DGKI: variants seen among roughly 807,000 people sequenced by gnomAD.
The protein encoded by DGKI is DAG kinase iota.
In DGKI, 55 loss-of-function variants were observed where a neutral mutation model predicts 147.5. The ratio of observed to expected loss-of-function variants is 0.37; its 90% CI spans 0.30 to 0.47. DGKI has a LOEUF of 0.47. Among genes scored for constraint, DGKI ranks in the 20% least tolerant of loss-of-function variants. The pLI, the probability that DGKI is intolerant of heterozygous loss-of-function variation, is 1.00. For synonymous variants in DGKI, 469 were observed against 477.1 expected (o/e 0.98, Z 0.22); for missense variants, 1,007 against 1,323.8 (o/e 0.76, Z 3.71).
intron 29 of DGKI, among the ~76,000 whole-genome samples, chr7:137,408,728 C>T (rs187487477): frequency 1.3e-5 from 2 of 151,432 alleles, no homozygotes; most frequent in East Asian, 3.9e-4. Flanking sequence ...AAAAACAAAA[C>T]AGAATTTTGT....
chr7:137,558,100 T>C (rs1818287036), intron 19 of DGKI, among the ~76,000 whole-genome samples: 1 of 152,210 alleles, frequency 6.6e-6, no homozygotes, highest in Non-Finnish European at 1.5e-5. Context: ...TATACTCAGC[T>C]AGTCACCAAA....
rs115504172 is a variant in DGKI, at chr7:137,733,456, T to C, written c.402-43454A>G. 7.8e-3 allele frequency among the ~76,000 whole-genome samples: 1,191 copies of C among 152,238 alleles called. 11 individuals are homozygous for C. Among genetic ancestry groups the C allele is most frequent in the African/African-American group, 0.027 (1,133 of 41,562 alleles). On this transcript the variant is annotated intron_variant, in intron 1 of 32. Coordinates refer to ENST00000614521, the MANE Select transcript of DGKI (RefSeq NM_001321708.2). ...TTTAAGGCCAAATAGTATTCCATTG[T>C]ATGTATGTACCACATCTGGTTTATC...
intron 1 of DGKI, among the ~76,000 whole-genome samples, chr7:137,725,903 G>A (rs556249433): frequency 1.9e-4 from 29 of 152,176 alleles, no homozygotes; most frequent in South Asian, 6.2e-4. Flanking sequence ...TTTTCTTTTT[G>A]GATATTTTCA....
At chr7:137,513,621 T>C (rs978232057) in intron 21 of DGKI, among the ~76,000 whole-genome samples, 2 of 152,106 alleles carry the variant, frequency 1.3e-5, no homozygotes, top group Admixed American at 6.6e-5. Context: ...CATCATAGAG[T>C]GTACTTAACA....
intron 1 of DGKI, among the ~76,000 whole-genome samples, chr7:137,798,449 T>A (rs1797100060): frequency 6.6e-6 from 1 of 152,188 alleles, no homozygotes; most frequent in Non-Finnish European, 1.5e-5. Flanking sequence ...TGAGTTAGGA[T>A]CTCAGTCCAT....
intron 1 of DGKI, among the ~76,000 whole-genome samples, chr7:137,835,001 AATT>A (rs1176993176): frequency 6.6e-6 from 1 of 152,196 alleles, no homozygotes; most frequent in Non-Finnish European, 1.5e-5. Context: ...GAGCTCCATG[AATT>A]ATGCTTGTCT....
At chr7:137,810,524 C>T (rs1051905969) in intron 1 of DGKI, among the ~76,000 whole-genome samples, 1 of 152,188 alleles carries the variant, frequency 6.6e-6, no homozygotes, top group Non-Finnish European at 1.5e-5. Flanking sequence ...ACCTTGACTG[C>T]TCACCAAAAA....
intron 28 of DGKI, among the ~76,000 whole-genome samples, chr7:137,436,014 A>G (rs373145877): frequency 9.2e-5 from 14 of 152,292 alleles, no homozygotes; most frequent in Admixed American, 3.9e-4. Context: ...TCCTCACCTC[A>G]GGTGATCGCC....
chr7:137,452,052 C>T (rs1316917276), intron 27 of DGKI, among the ~76,000 whole-genome samples: 4 of 152,148 alleles, frequency 2.6e-5, no homozygotes, highest in African/African-American at 9.7e-5. Context: ...ATATGGGACT[C>T]TTACTTTCTG....
intron 23 of DGKI, among the ~76,000 whole-genome samples, chr7:137,475,276 A>C (rs976199668): frequency 1.3e-5 from 2 of 152,194 alleles, no homozygotes; most frequent in African/African-American, 4.8e-5. Flanking sequence ...CTTTAAACAA[A>C]GGCTGAAATC....
chr7:137,424,382 T>C (rs990036086), intron 28 of DGKI, among the ~76,000 whole-genome samples: 1 of 152,186 alleles, frequency 6.6e-6, no homozygotes, highest in African/African-American at 2.4e-5. Context: ...AATTCATATA[T>C]TCTTAAGAAA....
chr7:137,819,858 T>C (rs1797846538), intron 1 of DGKI, among the ~76,000 whole-genome samples: 4 of 152,290 alleles, frequency 2.6e-5, no homozygotes, highest in Admixed American at 6.5e-5. Flanking sequence ...ACCATGTTTT[T>C]TCAAACCTCC....
At chr7:137,642,659 A>C (rs1345354286) in intron 6 of DGKI, among the ~76,000 whole-genome samples, 1 of 152,196 alleles carries the variant, frequency 6.6e-6, no homozygotes, top group Non-Finnish European at 1.5e-5. Context: ...AAAGGAACTG[A>C]GCAATTAAAT....
chr7:137,467,061 G>T lies in DGKI; in HGVS notation c.2444-119C>A, dbSNP rs1426984729. 3 of 893,840 alleles carry T rather than the reference G, an allele frequency of 3.4e-6. No individual in the cohort carries two copies. The East Asian group carries it at 7.8e-5, about 23-fold the overall frequency. 55.4% of individuals were successfully genotyped at this position (893,840 alleles called of 1,614,324 possible). On this transcript the variant is annotated intron_variant, in intron 24 of 32. Coordinates refer to ENST00000614521, the MANE Select transcript of DGKI (RefSeq NM_001321708.2). ...TACATGGCAGTCATGCTAGTCTCCTGGCCAGTCCCTAAATCTATTAAGAAA... is the reference window on the plus strand; with the variant it reads ...TACATGGCAGTCATGCTAGTCTCCTTGCCAGTCCCTAAATCTATTAAGAAA...
chr7:137,727,351 C>T (rs1794746135), intron 1 of DGKI, among the ~76,000 whole-genome samples: 1 of 152,072 alleles, frequency 6.6e-6, no homozygotes, highest in Non-Finnish European at 1.5e-5. Flanking sequence ...AGAAAGTTAT[C>T]ATCAAAAAGA....
At chr7:137,740,361 A>G (rs1361080075) in intron 1 of DGKI, among the ~76,000 whole-genome samples, 4 of 152,154 alleles carry the variant, frequency 2.6e-5, no homozygotes, top group Admixed American at 1.3e-4. Context: ...GGTGTGAGGA[A>G]TCTCTACAGG....
intron 1 of DGKI, among the ~76,000 whole-genome samples, chr7:137,784,330 A>G (rs910742744): frequency 1.3e-5 from 2 of 152,194 alleles, no homozygotes; most frequent in African/African-American, 4.8e-5. Flanking sequence ...CAATTCTTAT[A>G]TCAGGCAAAA....
intron 1 of DGKI, among the ~76,000 whole-genome samples, chr7:137,775,590 G>A (rs773893759): frequency 1.3e-5 from 2 of 152,218 alleles, no homozygotes; most frequent in South Asian, 4.1e-4. Flanking sequence ...TTACTTATAA[G>A]TGGGCAAATT....
intron 1 of DGKI, among the ~76,000 whole-genome samples, chr7:137,838,673 C>T (rs1798458041): frequency 6.6e-6 from 1 of 152,154 alleles, no homozygotes; most frequent in South Asian, 2.1e-4. Context: ...TTATCTTTGC[C>T]TTTTTTAGGG....
Sources: allele counts gnomAD v4.1 joint callset (sites outside exome capture counted in the v4.1 genomes callset), GRCh38; gene constraint gnomAD v4.1.1; transcripts MANE v1.5; gene names NCBI Gene and HGNC (gene_info 2026-07-23, HGNC 2026-07-21).